SOX5: variants seen among roughly 807,000 people sequenced by gnomAD.
The protein encoded by SOX5 is SRY-box transcription factor 5.
SOX5 carries 9 observed loss-of-function variants against 92.0 expected under a neutral mutation model. That is an observed-to-expected ratio of 0.10 (90% CI 0.06 to 0.17). The LOEUF is 0.17. Ranked by LOEUF, SOX5 falls within the 10% of genes least tolerant of loss-of-function variation. The pLI, the probability that SOX5 is intolerant of heterozygous loss-of-function variation, is 1.00. For missense variants in SOX5, 642 were observed against 944.5 expected (o/e 0.68, Z 4.20); for synonymous variants, 344 against 336.3 (o/e 1.02, Z -0.25).
intron 4 of SOX5, among the ~76,000 whole-genome samples, chr12:24,085,632 T>C (rs1943895742): frequency 6.6e-6 from 1 of 152,128 alleles, no homozygotes; most frequent in South Asian, 2.1e-4. Flanking sequence ...TAGAAACTAC[T>C]ATTTTCTTAT....
chr12:24,352,117 G>A (rs1192809040), intron 2 of SOX5, among the ~76,000 whole-genome samples: 1 of 152,194 alleles, frequency 6.6e-6, no homozygotes, highest in African/African-American at 2.4e-5. Context: ...GATTTATTTT[G>A]AGGAGTATGA....
rs375615238 is a variant in SOX5, at chr12:23,595,380, T to C, written c.1164+9007A>G. ...GCTCACGCCTGTAATCCCAGCACTT[T>C]GGGAGGCCGAGGCCGGCGGATCATG... On this transcript the variant is annotated intron_variant, in intron 9 of 14. Transcript: ENST00000451604. 2.0e-5 allele frequency among the ~76,000 whole-genome samples: 3 copies of C among 152,174 alleles called. No individual in the cohort carries two copies. The East Asian group carries it at 5.8e-4, about 29-fold the overall frequency.
At chr12:24,107,054 T>C (rs1294071364) in intron 4 of SOX5, among the ~76,000 whole-genome samples, 1 of 152,056 alleles carries the variant, frequency 6.6e-6, no homozygotes, top group African/African-American at 2.4e-5. Flanking sequence ...GAAAAGTAGT[T>C]AGGACAAGCA....
intron 8 of SOX5, among the ~76,000 whole-genome samples, chr12:23,631,490 G>T (rs556471985): frequency 9.8e-4 from 149 of 151,998 alleles, no homozygotes; most frequent in African/African-American, 3.5e-3. Flanking sequence ...CAATAAATTG[G>T]TATTGCTCAT....
At chr12:24,399,987 C>T (rs1212051529) in intron 1 of SOX5, among the ~76,000 whole-genome samples, 1 of 152,154 alleles carries the variant, frequency 6.6e-6, no homozygotes, top group Non-Finnish European at 1.5e-5. Context: ...TAAGCTCATT[C>T]TACTTTAATT....
chr12:23,584,745 G>A lies in SOX5; in HGVS notation c.1165-8907C>T, dbSNP rs142559810. The A allele has an allele frequency of 3.1e-3, 1,770 of 577,802 alleles. 20 individuals are homozygous for A. Among genetic ancestry groups the A allele is most frequent in the African/African-American group, 0.028 (1,499 of 52,930 alleles). The allele number at this position is 577,802 out of a possible 1,614,324, so 35.8% of individuals were successfully genotyped here. A position where few individuals can be genotyped will look rare whatever the true frequency, so the allele number is the denominator to read the frequency against. ...GACAGGTGTGAGTGTGTGTGTGTGT[G>A]TGTATGTGTGTGTGTTTAATGGATT... On this transcript the variant is annotated intron_variant, in intron 9 of 14. Coordinates refer to ENST00000451604, the MANE Select transcript of SOX5 (RefSeq NM_006940.6).
chr12:24,506,944 C>T (rs1421376513), intron 1 of SOX5, among the ~76,000 whole-genome samples: 1 of 151,730 alleles, frequency 6.6e-6, no homozygotes, highest in Non-Finnish European at 1.5e-5. Flanking sequence ...GCGCCCGCCA[C>T]TGCACCCGGC....
chr12:24,452,856 A>G (rs1942510004), intron 1 of SOX5, among the ~76,000 whole-genome samples: 1 of 152,186 alleles, frequency 6.6e-6, no homozygotes, highest in African/African-American at 2.4e-5. Flanking sequence ...TAATGTTAGA[A>G]TTGAGCATAT....
At chr12:24,409,244 C>A (rs920188183) in intron 1 of SOX5, among the ~76,000 whole-genome samples, 2 of 151,772 alleles carry the variant, frequency 1.3e-5, no homozygotes, top group African/African-American at 4.8e-5. Context: ...CAAACACCAC[C>A]CACCACATGT....
chr12:23,538,142 A>G (rs974388920), intron 13 of SOX5, among the ~76,000 whole-genome samples: 1 of 152,152 alleles, frequency 6.6e-6, no homozygotes, highest in African/African-American at 2.4e-5. Context: ...TTCATTACTC[A>G]CCCGTAACTC....
chr12:24,115,074 A>T (rs527810538), intron 4 of SOX5, among the ~76,000 whole-genome samples: 4 of 152,252 alleles, frequency 2.6e-5, no homozygotes, highest in African/African-American at 9.6e-5. Context: ...GACGGAATGT[A>T]TAAGAGAAGA....
chr12:23,993,367 T>C (rs1950735160), intron 4 of SOX5, among the ~76,000 whole-genome samples: 1 of 152,192 alleles, frequency 6.6e-6, no homozygotes, highest in Admixed American at 6.5e-5. Flanking sequence ...ACTAGACATT[T>C]TGGTATATAC....
chr12:24,282,821 G>T (rs887725679), intron 2 of SOX5, among the ~76,000 whole-genome samples: 1 of 152,186 alleles, frequency 6.6e-6, no homozygotes, highest in Non-Finnish European at 1.5e-5. Flanking sequence ...GCACCTGCAA[G>T]CATCACTACT....
intron 6 of SOX5, among the ~76,000 whole-genome samples, chr12:23,699,849 C>T (rs1239679855): frequency 6.6e-6 from 1 of 152,134 alleles, no homozygotes; most frequent in African/African-American, 2.4e-5. Flanking sequence ...TAAGGGGAAG[C>T]AGTGTAGCCT....
chr12:24,153,556 C>T (rs1951866898), intron 4 of SOX5, among the ~76,000 whole-genome samples: 2 of 152,118 alleles, frequency 1.3e-5, no homozygotes, highest in African/African-American at 4.8e-5. Flanking sequence ...ATGACCTACC[C>T]TATCTATGTC....
intron 5 of SOX5, among the ~76,000 whole-genome samples, 177 bp downstream of exon 5, chr12:23,740,690 C>T (rs1358648335): frequency 6.6e-6 from 1 of 152,108 alleles, no homozygotes; most frequent in Non-Finnish European, 1.5e-5. Flanking sequence ...ATCTTAAAAT[C>T]CGGGTTTTGT....
At chr12:24,417,009 A>G (rs1319952850) in intron 1 of SOX5, among the ~76,000 whole-genome samples, 1 of 152,162 alleles carries the variant, frequency 6.6e-6, no homozygotes, top group East Asian at 1.9e-4. Context: ...GACCTTGGCT[A>G]TCAGTGACAT....
intron 3 of SOX5, among the ~76,000 whole-genome samples, chr12:23,759,468 C>T (rs1332188095): frequency 6.6e-6 from 1 of 152,046 alleles, no homozygotes; most frequent in African/African-American, 2.4e-5. Flanking sequence ...CACTTCACCC[C>T]TCTCTCTGAA....
chr12:24,156,958 T>C (rs1205408674), intron 4 of SOX5, among the ~76,000 whole-genome samples: 2 of 152,130 alleles, frequency 1.3e-5, no homozygotes, highest in African/African-American at 2.4e-5. Context: ...TTCCAAGTTA[T>C]AGGACATATT....
Sources: allele counts gnomAD v4.1 joint callset (sites outside exome capture counted in the v4.1 genomes callset), GRCh38; gene constraint gnomAD v4.1.1; transcripts MANE v1.5; gene names NCBI Gene and HGNC (gene_info 2026-07-23, HGNC 2026-07-21).